The following HERC1 variants were observed in gnomAD, a reference collection of about 807,000 sequenced individuals.
HERC1 encodes the protein probable E3 ubiquitin-protein ligase HERC1.
HERC1 carries 160 observed loss-of-function variants against 554.3 expected under a neutral mutation model. The observed-to-expected ratio is 0.29, with a 90% CI of 0.25 to 0.33. HERC1 has a LOEUF of 0.33. Ranked by LOEUF, HERC1 falls within the 10% of genes least tolerant of loss-of-function variation. The pLI, the probability that HERC1 is intolerant of heterozygous loss-of-function variation, is 1.00. For synonymous variants in HERC1, 2,175 were observed against 2,131.7 expected (o/e 1.02, Z -0.56); for missense variants, 4,919 against 5,918.5 (o/e 0.83, Z 5.54).
At chr15:63,805,445 T>C (rs965119157) in intron 1 of HERC1, among the ~76,000 whole-genome samples, 5 of 152,116 alleles carry the variant, frequency 3.3e-5, no homozygotes, top group Non-Finnish European at 7.4e-5. Flanking sequence ...ACCACGGTGA[T>C]AAAAAGCACA....
chr15:63,694,936 T>C lies in HERC1; in HGVS notation c.5122-42A>G. The C allele has an allele frequency of 2.6e-6, 4 of 1,564,932 alleles. No homozygotes were observed. The highest frequency in any genetic ancestry group is 3.5e-6 in the Non-Finnish European group (4 of 1,152,014). On this transcript the variant is annotated intron_variant, in intron 27 of 77. Transcript: ENST00000443617. This position sits in a 1 kb window ranked among gnomAD's most constrained non-coding sequence, Gnocchi z 4.3. ...GAATTACTTTTTCTATTAGCAACAATAATACCTGCTTGCAAAAAGAAGTAA... is the reference window on the plus strand; with the variant it reads ...GAATTACTTTTTCTATTAGCAACAACAATACCTGCTTGCAAAAAGAAGTAA...
At chr15:63,789,421 T>C (rs1283198986) in intron 1 of HERC1, among the ~76,000 whole-genome samples, 2 of 152,046 alleles carry the variant, frequency 1.3e-5, no homozygotes, top group African/African-American at 4.8e-5. Context: ...TAAAATTATA[T>C]ATCACAAAAC....
chr15:63,750,659 T>C (rs914496466), intron 8 of HERC1, among the ~76,000 whole-genome samples: 1 of 152,192 alleles, frequency 6.6e-6, no homozygotes, highest in Non-Finnish European at 1.5e-5. Context: ...TGTCCGGATG[T>C]AGTGGCTTAA....
intron 1 of HERC1, among the ~76,000 whole-genome samples, chr15:63,813,371 A>G (rs1002337366): frequency 4.0e-5 from 6 of 151,428 alleles, no homozygotes; most frequent in African/African-American, 7.3e-5. Context: ...TACACACACT[A>G]AAAGAGCCCA....
chr15:63,643,622 CTTGG>C, intron 57 of HERC1, 72 bp from the exon 58 acceptor site: 1 of 1,163,930 alleles, frequency 8.6e-7, no homozygotes, highest in Non-Finnish European at 1.2e-6. Context: ...ATCATTCACT[CTTGG>C]AAATTTTATA....
rs530436787 is a variant in HERC1, at chr15:63,669,820, G to C, written c.8046-122C>G. On this transcript the variant is annotated intron_variant, in intron 39 of 77. Transcript: ENST00000443617. ...TAAACAGGTTAGTTATAGTTTAATGGAGGGTGGGGAGAAAGACTCCTTAGT... is the reference window on the plus strand; with the variant it reads ...TAAACAGGTTAGTTATAGTTTAATGCAGGGTGGGGAGAAAGACTCCTTAGT... The C allele has an allele frequency of 3.9e-4, 304 of 779,318 alleles. 1 individual carries two copies. The African/African-American group carries it at 4.5e-3, about 11-fold the overall frequency. The allele number at this position is 779,318 out of a possible 1,614,324, so 48.3% of individuals were successfully genotyped here. A position where few individuals can be genotyped will look rare whatever the true frequency, so the allele number is the denominator to read the frequency against.
At chr15:63,686,135 C>T (rs1379819049) in intron 34 of HERC1, among the ~76,000 whole-genome samples, 4 of 152,094 alleles carry the variant, frequency 2.6e-5, no homozygotes, top group African/African-American at 7.2e-5. Context: ...TTTAAACATC[C>T]ATTTTTAACA....
chr15:63,811,018 G>T (rs1028205590), intron 1 of HERC1, among the ~76,000 whole-genome samples: 4 of 151,928 alleles, frequency 2.6e-5, no homozygotes, highest in African/African-American at 9.7e-5. Flanking sequence ...TAAAGTTAAT[G>T]TCATTTGGGA....
chr15:63,629,688 G>C (rs2068461944), intron 69 of HERC1, among the ~76,000 whole-genome samples: 1 of 152,144 alleles, frequency 6.6e-6, no homozygotes, highest in South Asian at 2.1e-4. Flanking sequence ...ATGACGAGCA[G>C]CTTCCTTGTC....
intron 7 of HERC1, 135 bp downstream of exon 7, chr15:63,754,370 A>T (rs890494200): frequency 5.3e-5 from 27 of 509,036 alleles, no homozygotes; most frequent in Non-Finnish European, 9.6e-6. Context: ...AACATTTGTA[A>T]AAGCTCAGTT....
chr15:63,702,267 G>A (rs1157224612), intron 25 of HERC1, among the ~76,000 whole-genome samples: 1 of 151,870 alleles, frequency 6.6e-6, no homozygotes, highest in Non-Finnish European at 1.5e-5. Flanking sequence ...ATTTACATTC[G>A]CTTTTCTTTA....
At chr15:63,609,343 C>A in intron 77 of HERC1, 77 bp from the exon 78 acceptor site, 1 of 1,282,156 alleles carries the variant, frequency 7.8e-7, no homozygotes, top group South Asian at 1.6e-5. Flanking sequence ...CATGACCTCT[C>A]CCTGCCTTCA....
At chr15:63,805,764 C>G (rs1348019376) in intron 1 of HERC1, among the ~76,000 whole-genome samples, 2 of 151,876 alleles carry the variant, frequency 1.3e-5, no homozygotes, top group African/African-American at 4.8e-5. Context: ...CTGGGCAATA[C>G]AGGGAGACCC....
chr15:63,770,931 G>A (rs372308270), intron 2 of HERC1, among the ~76,000 whole-genome samples: 2 of 152,202 alleles, frequency 1.3e-5, no homozygotes, highest in African/African-American at 2.4e-5. Flanking sequence ...GCTCACGCCT[G>A]TAATCCCAGC....
intron 40 of HERC1, among the ~76,000 whole-genome samples, chr15:63,668,318 C>G (rs991992106): frequency 6.6e-6 from 1 of 152,008 alleles, no homozygotes; most frequent in African/African-American, 2.4e-5. Flanking sequence ...ATGGTACGAC[C>G]CTGTCTCTAC....
rs761166996 is a variant in HERC1, at chr15:63,723,223, C to T, written c.3701G>A (p.Arg1234Gln). 3.1e-6 allele frequency: 5 copies of T among 1,589,180 alleles called. No homozygotes were observed. The highest frequency in any genetic ancestry group is 2.2e-5 in the East Asian group (1 of 44,456). ...LALGCSKEPA[R>Q]SLWISMQDYA... The stretch of plus-strand genomic sequence containing the variant: ...GTCCTGCATGCTGATCCAAAGGCTT[C>T]GGGCAGGCTCTTTAGAACAACCCAA... Residue 1234 changes from arginine (R) to glutamine (Q), a missense_variant, in exon 19 of 78, where the codon CGA becomes CAA. Transcript: ENST00000443617.
At chr15:63,735,083 T>C (rs960376638) in intron 12 of HERC1, among the ~76,000 whole-genome samples, 2 of 152,118 alleles carry the variant, frequency 1.3e-5, no homozygotes, top group African/African-American at 4.8e-5. Context: ...GTGTTGATTC[T>C]ATAGCATTCA....
At chr15:63,662,489 AT>A (rs998580484) in intron 44 of HERC1, among the ~76,000 whole-genome samples, 1 of 152,218 alleles carries the variant, frequency 6.6e-6, no homozygotes, top group African/African-American at 2.4e-5. Context: ...CAAAAATGTA[AT>A]GCTAACCAAT....
At chr15:63,624,421 G>T in intron 71 of HERC1, 94 bp from the exon 72 acceptor site, 1 of 1,178,372 alleles carries the variant, frequency 8.5e-7, no homozygotes, top group South Asian at 1.6e-5. Context: ...TTTTGGCTGG[G>T]CGCAGTGGCT....
Sources: allele counts gnomAD v4.1 joint callset (sites outside exome capture counted in the v4.1 genomes callset), GRCh38; gene constraint gnomAD v4.1.1; non-coding constraint Gnocchi (gnomAD v3.1); transcripts MANE v1.5; gene names NCBI Gene and HGNC (gene_info 2026-07-23, HGNC 2026-07-21).